Variants in BICD2 observed in about 807,000 individuals in gnomAD.
BICD2 encodes BICD cargo adaptor 2, also known as protein bicaudal D homolog 2.
A neutral mutation model predicts 72.9 loss-of-function variants in BICD2; 25 were observed. That is an observed-to-expected ratio of 0.34 (90% CI 0.25 to 0.48). BICD2 has a LOEUF of 0.48. Ranked by LOEUF, BICD2 falls within the 20% of genes least tolerant of loss-of-function variation. The pLI, the probability that BICD2 is intolerant of heterozygous loss-of-function variation, is 0.99. For missense variants in BICD2, 894 were observed against 1,175.2 expected, an observed-to-expected ratio of 0.76 and a Z score of 3.50; for synonymous variants, 501 against 516.1, an observed-to-expected ratio of 0.97 and a Z score of 0.40.
rs1853272306 is a variant in BICD2 at position 92,715,011 on chromosome 9, G to A, written c.*143C>T. On this transcript the variant is annotated 3_prime_UTR_variant, in exon 7 of 7. Coordinates refer to ENST00000356884, the MANE Select transcript of BICD2 (RefSeq NM_001003800.2). The stretch of plus-strand genomic sequence containing the variant: ...AAGCTCTCACAAGTGTCCTGCTGAT[G>A]CAACGCCCCATGGCGCCTCGGCTAG... 7.0e-7 allele frequency: 1 copy of A among 1,422,902 alleles called. No individual in the cohort carries two copies. The highest frequency in any genetic ancestry group is 9.2e-7 in the Non-Finnish European group (1 of 1,088,830). The allele number at this position is 1,422,902 out of a possible 1,614,324, so 88.1% of individuals were successfully genotyped here. A position where few individuals can be genotyped will look rare whatever the true frequency, so the allele number is the denominator to read the frequency against.
At position 92,722,777 on chromosome 9, in the gene BICD2, C is replaced by A; in HGVS notation, c.485G>T (p.Arg162Leu). The A allele has an allele frequency of 6.2e-7, 1 of 1,613,674 alleles. No homozygotes were observed. The highest frequency in any genetic ancestry group is 1.1e-5 in the South Asian group (1 of 91,056). The change falls in exon 3 of 7, where the codon CGC (arginine) becomes CTC (leucine). Residue 162 changes from arginine to leucine, a missense_variant. Physicochemically the swap from Arg to Leu is moderately radical, Grantham distance 102. Around this residue, in one of 5 missense-constraint regions of BICD2, gnomAD observed 192 missense variants for 243.6 expected, o/e 0.79. Coordinates refer to ENST00000356884, the MANE Select transcript of BICD2 (RefSeq NM_001003800.2). ...GTACTCCTTGATGTCATCCCGCAGG[C>A]GGCCACGCTGGATCTCCACATTCTG... ...INQNVEIQRG[R>L]LRDDIKEYKF...
chr9:92,757,910 A>G (rs1386831473), intron 1 of BICD2, among the ~76,000 whole-genome samples: 2 of 152,214 alleles, frequency 1.3e-5, no homozygotes, highest in Non-Finnish European at 2.9e-5. Context: ...GTGGCTTTAA[A>G]AAATGAGTAA....
chr9:92,728,896 C>G (rs1330716214), intron 2 of BICD2, 128 bp downstream of exon 2: 1 of 1,025,740 alleles, frequency 9.7e-7, no homozygotes, highest in Non-Finnish European at 1.4e-6. Flanking sequence ...ACCAGGAAAG[C>G]AAGACAGACC....
chr9:92,764,776 G>C lies in BICD2; in HGVS notation c.-32C>G. 1 of 1,454,478 alleles carries C rather than the reference G, an allele frequency of 6.9e-7. No homozygotes were observed. The highest frequency in any genetic ancestry group is 9.0e-7 in the Non-Finnish European group (1 of 1,107,398). 90.1% of individuals were successfully genotyped at this position (1,454,478 alleles called of 1,614,324 possible). A position where few individuals can be genotyped will look rare whatever the true frequency, so the allele number is the denominator to read the frequency against. ...CGAGGGCTGAGCCGGCTCCCACTGA[G>C]GCTCTCGCAGGCCGGGCCCTCCTCA... On this transcript the variant is annotated 5_prime_UTR_variant, in exon 1 of 7. Transcript: ENST00000356884. This position sits in a 1 kb window ranked among gnomAD's most constrained non-coding sequence, Gnocchi z 5.5.
At chr9:92,763,592 A>C (rs914928939) in intron 1 of BICD2, among the ~76,000 whole-genome samples, 1 of 152,210 alleles carries the variant, frequency 6.6e-6, no homozygotes, top group African/African-American at 2.4e-5. Flanking sequence ...CAATTCCTGC[A>C]AACAACGCTA....
Position 92,713,540 on chromosome 9 carries a change from G to C in BICD2, c.*1614C>G. The C allele has an allele frequency of 6.4e-7, 1 of 1,554,594 alleles. No individual in the cohort carries two copies. Among genetic ancestry groups the C allele is most frequent in the Non-Finnish European group, 8.7e-7 (1 of 1,148,686 alleles). ...TTATCTGACAATTGAAGCTCTCCACGTGCTGGGAGGGCGCGAGCACGTTAG... is the reference window on the plus strand; with the variant it reads ...TTATCTGACAATTGAAGCTCTCCACCTGCTGGGAGGGCGCGAGCACGTTAG... On this transcript the variant is annotated 3_prime_UTR_variant, in exon 7 of 7. Coordinates refer to ENST00000356884, the MANE Select transcript of BICD2 (RefSeq NM_001003800.2).
rs1564056849 is a variant in BICD2, at chr9:92,713,154, G to A, written c.*2000C>T. The A allele has an allele frequency of 2.3e-6, 1 of 434,438 alleles. No homozygotes were observed. Among genetic ancestry groups the A allele is most frequent in the Non-Finnish European group, 4.1e-6 (1 of 241,484 alleles). 26.9% of individuals were successfully genotyped at this position (434,438 alleles called of 1,614,324 possible). ...AAAAAAAGAACATGTGTAACAAGGA[G>A]CCCCCGTGGTGGGCGTTTCCAGTGG... is the stretch of plus-strand genomic sequence containing the variant. On this transcript the variant is annotated 3_prime_UTR_variant, in exon 7 of 7. Coordinates refer to ENST00000356884, the MANE Select transcript of BICD2 (RefSeq NM_001003800.2).
At chr9:92,743,354 G>GAT (rs1481958930) in intron 1 of BICD2, among the ~76,000 whole-genome samples, 2 of 120,598 alleles carry the variant, frequency 1.7e-5, no homozygotes, top group Non-Finnish European at 3.5e-5. Context: ...CACCATGCCA[G>GAT]CTTTTTTTTT....
chr9:92,737,456 AC>A (rs1853811644), intron 1 of BICD2, among the ~76,000 whole-genome samples: 1 of 152,076 alleles, frequency 6.6e-6, no homozygotes, highest in Admixed American at 6.5e-5. Flanking sequence ...TTGTCAATGG[AC>A]CAGTGTTAAC....
Position 92,713,680 on chromosome 9 carries a change from A to C in BICD2, c.*1474T>G. On this transcript the variant is annotated 3_prime_UTR_variant, in exon 7 of 7. Coordinates refer to ENST00000356884, the MANE Select transcript of BICD2 (RefSeq NM_001003800.2). ...GTGCCAGGCTTGCAAGGAGAGGGCA[A>C]AGCGCATGCAGGGTGGGCATGCCAG... 7.0e-7 allele frequency: 1 copy of C among 1,421,136 alleles called. No homozygotes were observed. The highest frequency in any genetic ancestry group is 1.5e-5 in the South Asian group (1 of 68,260). The allele number at this position is 1,421,136 out of a possible 1,614,324, so 88.0% of individuals were successfully genotyped here.
At chr9:92,728,921 T>C in intron 2 of BICD2, 103 bp downstream of exon 2, 1 of 1,279,272 alleles carries the variant, frequency 7.8e-7, no homozygotes, top group Non-Finnish European at 1.1e-6. Context: ...AGCTGCAGCG[T>C]CCCCAGAGGC....
chr9:92,750,374 C>T (rs1393118928), intron 1 of BICD2, among the ~76,000 whole-genome samples: 1 of 151,584 alleles, frequency 6.6e-6, no homozygotes, highest in Non-Finnish European at 1.5e-5. Flanking sequence ...TTCATATTTG[C>T]CAAAAAGTAG....
chr9:92,740,243 G>A (rs1242696314), intron 1 of BICD2, among the ~76,000 whole-genome samples: 1 of 152,074 alleles, frequency 6.6e-6, no homozygotes, highest in African/African-American at 2.4e-5. Context: ...TGACATCAGA[G>A]CAATCTAAAA....
chr9:92,762,672 A>C (rs1412289933), intron 1 of BICD2, among the ~76,000 whole-genome samples: 1 of 152,220 alleles, frequency 6.6e-6, no homozygotes, highest in Non-Finnish European at 1.5e-5. Flanking sequence ...TTTGTGTCAG[A>C]ATAGCAAAGA....
chr9:92,733,750 G>A (rs533092082), intron 1 of BICD2, among the ~76,000 whole-genome samples: 6 of 151,984 alleles, frequency 3.9e-5, no homozygotes, highest in East Asian at 3.9e-4. Flanking sequence ...GGCAGATCAC[G>A]AGGTCAGGAG....
intron 2 of BICD2, among the ~76,000 whole-genome samples, chr9:92,727,434 G>A (rs990785092): frequency 6.6e-6 from 1 of 152,188 alleles, no homozygotes; most frequent in African/African-American, 2.4e-5. Context: ...TTTACAGATG[G>A]GGAAACTGAG....
Position 92,764,480 on chromosome 9 carries a change from C to G in BICD2, c.240+25G>C. ...ACAGGCCCCGGCGCCGGGCGGGGGT[C>G]GCAGGGCAGGGCGGCTCGGCTCACC... On this transcript the variant is annotated intron_variant, in intron 1 of 6. Transcript: ENST00000356884. This position sits in a 1 kb window ranked among gnomAD's most constrained non-coding sequence, Gnocchi z 5.5. 1.4e-6 allele frequency: 2 copies of G among 1,471,066 alleles called. No individual in the cohort carries two copies. Among genetic ancestry groups the G allele is most frequent in the Non-Finnish European group, 1.8e-6 (2 of 1,103,748 alleles). 91.1% of individuals were successfully genotyped at this position (1,471,066 alleles called of 1,614,324 possible).
intron 1 of BICD2, among the ~76,000 whole-genome samples, chr9:92,732,558 A>G (rs1587677816): frequency 6.6e-6 from 1 of 152,230 alleles, no homozygotes; most frequent in East Asian, 1.9e-4. Flanking sequence ...TATATAATAA[A>G]AATATTTAAA....
At chr9:92,740,176 A>G (rs1311318393) in intron 1 of BICD2, among the ~76,000 whole-genome samples, 1 of 152,206 alleles carries the variant, frequency 6.6e-6, no homozygotes, top group Non-Finnish European at 1.5e-5. Flanking sequence ...CAGAGACATG[A>G]AGTCTCCATA....
Sources: allele counts gnomAD v4.1 joint callset (sites outside exome capture counted in the v4.1 genomes callset), GRCh38; gene constraint gnomAD v4.1.1; regional missense constraint gnomAD v4.1.1; non-coding constraint Gnocchi (gnomAD v3.1); transcripts MANE v1.5; gene names NCBI Gene and HGNC (gene_info 2026-07-23, HGNC 2026-07-21).